The following SCYL2 variants were observed in gnomAD, a reference collection of about 807,000 sequenced individuals.
SCYL2 encodes SCY1 like pseudokinase 2.
Under a neutral mutation model 100.4 loss-of-function variants are expected in SCYL2, and 36 were observed. That is an observed-to-expected ratio of 0.36 (90% CI 0.27 to 0.47). The LOEUF (loss-of-function observed/expected upper bound fraction) is 0.47. SCYL2 is among the 20% of genes least tolerant of loss of function. SCYL2 has a pLI of 1.00. For missense variants in SCYL2, 902 were observed against 1,083.9 expected (o/e 0.83, Z 2.36); for synonymous variants, 330 against 359.2 (o/e 0.92, Z 0.92).
intron 9 of SCYL2, among the ~76,000 whole-genome samples, chr12:100,316,218 T>C (rs760601621): frequency 5.3e-5 from 8 of 152,244 alleles, no homozygotes; most frequent in Admixed American, 2.6e-4. Context: ...ACCATGGGAA[T>C]AATGTGTATA....
chr12:100,284,499 A>G (rs1156420897), intron 2 of SCYL2, among the ~76,000 whole-genome samples: 1 of 152,130 alleles, frequency 6.6e-6, no homozygotes, highest in Non-Finnish European at 1.5e-5. Context: ...CTACTGGTTA[A>G]TTTTTTAAAG....
chr12:100,317,573 G>C lies in SCYL2; in HGVS notation c.1273-230G>C, dbSNP rs1038200237. 1.5e-5 allele frequency: 14 copies of C among 954,078 alleles called. No homozygotes were observed. The African/African-American group carries it at 2.4e-4, about 16-fold the overall frequency. The allele number at this position is 954,078 out of a possible 1,614,324, so 59.1% of individuals were successfully genotyped here. On this transcript the variant is annotated intron_variant, in intron 9 of 17. Transcript: ENST00000360820. ...AGATTACTGTAGATATGTGAGAGGAGATTAGTCTTTATTTAATTAACATTT... is the reference window on the plus strand; with the variant it reads ...AGATTACTGTAGATATGTGAGAGGACATTAGTCTTTATTTAATTAACATTT...
intron 16 of SCYL2, among the ~76,000 whole-genome samples, chr12:100,336,485 G>C (rs186595197): frequency 2.6e-5 from 4 of 152,174 alleles, no homozygotes; most frequent in Admixed American, 2.0e-4. Flanking sequence ...ATCAATTTGA[G>C]TTTGTCTCAT....
intron 15 of SCYL2, 45 bp downstream of exon 15, chr12:100,335,736 G>C: frequency 6.3e-7 from 1 of 1,589,396 alleles, no homozygotes; most frequent in South Asian, 1.1e-5. Context: ...TTCATCTGGA[G>C]GGCTTTTAAT....
At position 100,274,855 on chromosome 12, in the gene SCYL2, C is replaced by T. The variant is rs2096291062; in HGVS notation, c.-29+7063C>T. 2.0e-5 allele frequency among the ~76,000 whole-genome samples: 3 copies of T among 152,064 alleles called. No homozygotes were observed. In the South Asian group the frequency reaches 6.2e-4, roughly 31 times the overall value. On this transcript the variant is annotated intron_variant, in intron 1 of 17. Coordinates refer to ENST00000360820, the MANE Select transcript of SCYL2 (RefSeq NM_017988.6). Reference sequence around the variant, plus strand: ...TAAAACCTTGGTTTGTGCCATAGACCCTTTTGACAATTTAGTAAAGCCTGT... The same window carrying T: ...TAAAACCTTGGTTTGTGCCATAGACTCTTTTGACAATTTAGTAAAGCCTGT...
chr12:100,319,412 G>A, intron 10 of SCYL2: 2 of 317,352 alleles, frequency 6.3e-6, no homozygotes, highest in Non-Finnish European at 1.3e-5. Context: ...AAGAGGGAGG[G>A]GAAGATTAAG....
At chr12:100,289,439 TA>T (rs1478851455) in intron 2 of SCYL2, among the ~76,000 whole-genome samples, 1 of 152,208 alleles carries the variant, frequency 6.6e-6, no homozygotes, top group African/African-American at 2.4e-5. Context: ...GTTAATATAA[TA>T]TTTGTCTCGT....
At chr12:100,279,113 C>T (rs939689108) in intron 1 of SCYL2, among the ~76,000 whole-genome samples, 30 of 152,342 alleles carry the variant, frequency 2.0e-4, no homozygotes, top group Admixed American at 1.6e-3. Context: ...CAGTCCCCAA[C>T]CTTTTTGGCA....
At chr12:100,283,190 T>G in intron 2 of SCYL2, 43 bp downstream of exon 2, 1 of 1,495,986 alleles carries the variant, frequency 6.7e-7, no homozygotes, top group African/African-American at 1.4e-5. Context: ...ACCCACATGC[T>G]AAGAACCATA....
Position 100,305,716 on chromosome 12 carries a change from GTTTT to G in SCYL2, c.481-5310_481-5307del, listed in dbSNP as rs144928837. Among the ~76,000 whole-genome samples, 289 of 126,816 alleles carry G rather than the reference GTTTT, an allele frequency of 2.3e-3. 3 individuals carry two copies. In the East Asian group the frequency reaches 0.038, roughly 17 times the overall value. 83.2% of individuals were successfully genotyped at this position (126,816 alleles called of 152,430 possible). On this transcript the variant is annotated intron_variant, in intron 4 of 17. Transcript: ENST00000360820. ...AATAAATCAGTGAATCTAGGAGCTG[GTTTT>G]TTTTTTTTTTTTTTTTTAAAGATTA...
chr12:100,281,643 C>T (rs2135826177), intron 1 of SCYL2, among the ~76,000 whole-genome samples: 1 of 152,232 alleles, frequency 6.6e-6, no homozygotes, highest in East Asian at 1.9e-4. Flanking sequence ...ACCATCCTGG[C>T]TAACACGGTG....
At chr12:100,308,456 G>T (rs2096337501) in intron 4 of SCYL2, among the ~76,000 whole-genome samples, 3 of 152,212 alleles carry the variant, frequency 2.0e-5, no homozygotes, top group East Asian at 3.9e-4. Flanking sequence ...ATGGACACTG[G>T]GAGGGGAGCA....
At chr12:100,318,473 G>A (rs777374209) in intron 10 of SCYL2, among the ~76,000 whole-genome samples, 3 of 151,866 alleles carry the variant, frequency 2.0e-5, no homozygotes, top group Non-Finnish European at 4.4e-5. Context: ...TGGAACTACA[G>A]GTGCCTGTCA....
intron 9 of SCYL2, 162 bp from the exon 10 acceptor site, chr12:100,317,641 A>C: frequency 1.4e-6 from 2 of 1,399,226 alleles, no homozygotes; most frequent in Non-Finnish European, 1.9e-6. Context: ...CAGAAATGTA[A>C]GAGACTTGAT....
chr12:100,267,457 T>G lies in SCYL2; in HGVS notation c.-364T>G. Reference sequence around the variant, plus strand: ...TCACCGGCGGCTCTCTCGCCTGGGCTCCCGGAGCCGGCGAGGAGGGAATGG... The same window carrying G: ...TCACCGGCGGCTCTCTCGCCTGGGCGCCCGGAGCCGGCGAGGAGGGAATGG... On this transcript the variant is annotated 5_prime_UTR_variant, in exon 1 of 18. Coordinates refer to ENST00000360820, the MANE Select transcript of SCYL2 (RefSeq NM_017988.6). 5.9e-6 allele frequency: 1 copy of G among 170,178 alleles called. No homozygotes were observed. The highest frequency in any genetic ancestry group is 1.3e-5 in the Non-Finnish European group (1 of 78,630). The allele number at this position is 170,178 out of a possible 1,614,324, so 10.5% of individuals were successfully genotyped here. A position where few individuals can be genotyped will look rare whatever the true frequency, so the allele number is the denominator to read the frequency against.
chr12:100,339,032 A>G lies in SCYL2; in HGVS notation c.2650A>G (p.Thr884Ala). The change falls in exon 18 of 18, where the codon ACA (threonine) becomes GCA (alanine). Residue 884 changes from threonine to alanine, a missense_variant. Thr to Ala is a moderately conservative substitution (Grantham distance 58, BLOSUM62 0). Coordinates refer to ENST00000360820, the MANE Select transcript of SCYL2 (RefSeq NM_017988.6). ...AACTATGGGCAGTTCAGTAATGGGG[A>G]CACAGATGAACGTGATAGGACAATC... ...SPTMGSSVMGTQMNVIGQSAF... is the reference protein window; with the variant it reads ...SPTMGSSVMGAQMNVIGQSAF... 6.2e-7 allele frequency: 1 copy of G among 1,614,174 alleles called. No homozygotes were observed.
chr12:100,294,443 C>T (rs2096315309), intron 3 of SCYL2, among the ~76,000 whole-genome samples: 4 of 85,686 alleles, frequency 4.7e-5, no homozygotes, highest in East Asian at 3.6e-4. Flanking sequence ...CTCCTCACTT[C>T]CCAGTAGGGG....
chr12:100,320,392 C>A (rs1013891149), intron 10 of SCYL2, among the ~76,000 whole-genome samples: 1 of 151,636 alleles, frequency 6.6e-6, no homozygotes, highest in Non-Finnish European at 1.5e-5. Flanking sequence ...TAAAAAAATA[C>A]AAAAATTAGC....
intron 7 of SCYL2, 26 bp from the exon 8 acceptor site, chr12:100,314,463 A>G (rs776354053): frequency 8.5e-6 from 13 of 1,535,872 alleles, no homozygotes; most frequent in Admixed American, 5.5e-5. Flanking sequence ...ACATTTATCA[A>G]AATACTTTAT....
Sources: gnomAD v4.1 joint callset for allele counts (sites outside exome capture counted in the v4.1 genomes callset) on GRCh38, gnomAD v4.1.1 for gene constraint, MANE v1.5 for transcripts, NCBI Gene and HGNC (gene_info 2026-07-23, HGNC 2026-07-21) for gene names.